ABCB4: variants seen among roughly 807,000 people sequenced by gnomAD.
ABCB4 encodes the protein phosphatidylcholine translocator ABCB4.
In ABCB4, 76 loss-of-function variants were observed where a neutral mutation model predicts 145.7. That is an observed-to-expected ratio of 0.52 (90% CI 0.43 to 0.63). The LOEUF is 0.63. Ranked by LOEUF, ABCB4 falls within the 30% of genes least tolerant of loss-of-function variation. ABCB4 has a pLI of 0.00. For synonymous variants in ABCB4, 517 were observed against 566.8 expected (o/e 0.91, Z 1.25); for missense variants, 1,234 against 1,553.1 (o/e 0.79, Z 3.45).
chr7:87,416,526 T>A (rs967488066), intron 21 of ABCB4, among the ~76,000 whole-genome samples: 5 of 152,222 alleles, frequency 3.3e-5, no homozygotes, highest in Non-Finnish European at 7.3e-5. Context: ...ACTAAGAATG[T>A]TCATGGTTAT....
At chr7:87,420,096 T>C (rs1273988106) in intron 18 of ABCB4, 21 bp from the exon 19 acceptor site, 1 of 1,611,868 alleles carries the variant, frequency 6.2e-7, no homozygotes, top group South Asian at 1.1e-5. Flanking sequence ...AAAAAGGCTA[T>C]GGTCTCTTTT....
Position 87,401,797 on chromosome 7 carries a change from T to C in ABCB4, c.*299A>G. On this transcript the variant is annotated 3_prime_UTR_variant, in exon 28 of 28. Transcript: ENST00000649586. Reference sequence around the variant, plus strand: ...TCAGGACCATAAGACCATTTCCCTATGTCTGTGGCTTCTATATTTCTACAC... The same window carrying C: ...TCAGGACCATAAGACCATTTCCCTACGTCTGTGGCTTCTATATTTCTACAC... The C allele has an allele frequency of 1.0e-5, 5 of 478,554 alleles. No homozygotes were observed. Among genetic ancestry groups the C allele is most frequent in the South Asian group, 5.7e-5 (3 of 52,922 alleles). The allele number at this position is 478,554 out of a possible 1,614,324, so 29.6% of individuals were successfully genotyped here. A position where few individuals can be genotyped will look rare whatever the true frequency, so the allele number is the denominator to read the frequency against.
intron 15 of ABCB4, 25 bp from the exon 16 acceptor site, chr7:87,426,945 G>A: frequency 1.1e-6 from 1 of 917,024 alleles, no homozygotes; most frequent in South Asian, 1.8e-5. Context: ...AGACATTAAA[G>A]TGTGTGTGTG....
At position 87,439,747 on chromosome 7, in the gene ABCB4, G is replaced by T. The variant is rs374746433; in HGVS notation, c.1651C>A (p.Pro551Thr). 4.3e-6 allele frequency: 7 copies of T among 1,613,992 alleles called. No individual in the cohort carries two copies. The highest frequency in any genetic ancestry group is 1.3e-5 in the African/African-American group (1 of 74,902). The change falls in exon 14 of 28, where the codon CCC (proline) becomes ACC (threonine). Residue 551 changes from proline to threonine, a missense_variant. Transcript: ENST00000649586. ...IAIARALVRN[P>T]KILLLDEATS... Reference sequence around the variant, plus strand: ...GCCTCATCCAGCAGAAGGATCTTGGGGTTGCGAACCAGGGCACGTGCAATG... The same window carrying T: ...GCCTCATCCAGCAGAAGGATCTTGGTGTTGCGAACCAGGGCACGTGCAATG...
At chr7:87,414,599 T>G (rs1808843294) in intron 21 of ABCB4, among the ~76,000 whole-genome samples, 1 of 152,252 alleles carries the variant, frequency 6.6e-6, no homozygotes, top group Non-Finnish European at 1.5e-5. Context: ...TAAATCTTAG[T>G]TCTGTAGTTG....
chr7:87,431,618 A>G (rs1562969079), intron 14 of ABCB4, 53 bp from the exon 15 acceptor site: 1 of 1,606,120 alleles, frequency 6.2e-7, no homozygotes, highest in Non-Finnish European at 8.5e-7. Flanking sequence ...CACACTGTCA[A>G]TTAACATGCA....
the ABCB4 span, among the ~76,000 whole-genome samples, chr7:87,381,490 C>T: frequency 1.3e-5 from 2 of 152,188 alleles, no homozygotes; most frequent in African/African-American, 4.8e-5. Context: ...TAAAGAAGTT[C>T]ATGCCCATCC....
intron 23 of ABCB4, 85 bp from the exon 24 acceptor site, chr7:87,409,477 G>A (rs1263577136): frequency 1.4e-6 from 2 of 1,410,894 alleles, no homozygotes; most frequent in African/African-American, 1.4e-5. Flanking sequence ...GTGCTTACCA[G>A]TATTTTTTCC....
chr7:87,442,358 C>T (rs1445088205), intron 12 of ABCB4, among the ~76,000 whole-genome samples: 1 of 151,946 alleles, frequency 6.6e-6, no homozygotes, highest in African/African-American at 2.4e-5. Context: ...TGTCCCAATG[C>T]CTTTTTATGA....
At chr7:87,366,141 C>G in the ABCB4 span, among the ~76,000 whole-genome samples, 1 of 152,158 alleles carries the variant, frequency 6.6e-6, no homozygotes. Flanking sequence ...AGCTCACGAT[C>G]AGCAAAATCC....
chr7:87,450,365 C>T (rs560367048), intron 7 of ABCB4, among the ~76,000 whole-genome samples: 1 of 152,064 alleles, frequency 6.6e-6, no homozygotes, highest in African/African-American at 2.4e-5. Context: ...GGAACACTGT[C>T]AAGTTCCACA....
At chr7:87,436,517 T>G (rs1810619844) in intron 14 of ABCB4, among the ~76,000 whole-genome samples, 5 of 152,064 alleles carry the variant, frequency 3.3e-5, no homozygotes, top group Admixed American at 3.3e-4. Context: ...TAAAAGAGAC[T>G]GAAAAAAATA....
chr7:87,431,967 A>T (rs546460907), intron 14 of ABCB4, among the ~76,000 whole-genome samples: 2 of 152,356 alleles, frequency 1.3e-5, no homozygotes, highest in East Asian at 3.9e-4. Flanking sequence ...CCTTTTCCAG[A>T]GCACTGCTGT....
intron 18 of ABCB4, 98 bp from the exon 19 acceptor site, chr7:87,420,173 G>T: frequency 8.7e-7 from 1 of 1,147,998 alleles, no homozygotes; most frequent in Non-Finnish European, 1.3e-6. Flanking sequence ...GTTATGAGTT[G>T]TTTTACAGTT....
the ABCB4 span, chr7:87,382,232 C>T: frequency 6.7e-7 from 1 of 1,498,406 alleles, no homozygotes; most frequent in South Asian, 1.2e-5. Flanking sequence ...CTTTTAACAA[C>T]CATATGTAAA....
At chr7:87,369,598 A>G in the ABCB4 span, 2 of 465,242 alleles carry the variant, frequency 4.3e-6, no homozygotes, top group East Asian at 3.5e-5. Context: ...TAAGAATTTT[A>G]TGCATGCTTT....
chr7:87,399,103 G>A (rs1468272561), downstream of ABCB4: 1 of 163,030 alleles, frequency 6.1e-6, no homozygotes, highest in Admixed American at 6.1e-5. Flanking sequence ...TGAAATCAAT[G>A]CCTTCTATGT....
chr7:87,380,763 C>T, the ABCB4 span, among the ~76,000 whole-genome samples: 1 of 152,174 alleles, frequency 6.6e-6, no homozygotes, highest in African/African-American at 2.4e-5. Flanking sequence ...TTCCTACTGG[C>T]TCCAGTAAAA....
the ABCB4 span, among the ~76,000 whole-genome samples, chr7:87,370,444 A>G: frequency 1.3e-5 from 2 of 152,302 alleles, no homozygotes; most frequent in South Asian, 2.1e-4. Flanking sequence ...TGGCCTCCCA[A>G]AGTGCTGGGA....
Sources: allele counts gnomAD v4.1 joint callset (sites outside exome capture counted in the v4.1 genomes callset), GRCh38; gene constraint gnomAD v4.1.1; transcripts MANE v1.5; gene names NCBI Gene and HGNC (gene_info 2026-07-23, HGNC 2026-07-21).